TRPM3: variants seen among roughly 807,000 people sequenced by gnomAD.
TRPM3 encodes the protein transient receptor potential cation channel subfamily M member 3.
In TRPM3, 77 loss-of-function variants were observed where a neutral mutation model predicts 181.2. That is an observed-to-expected ratio of 0.42 (90% CI 0.35 to 0.51). TRPM3 has a LOEUF of 0.51. TRPM3 is among the 20% of genes least tolerant of loss of function. The pLI is 0.01. For synonymous variants in TRPM3, 745 were observed against 796.4 expected, an observed-to-expected ratio of 0.94 and a Z score of 1.09; for missense variants, 1,759 against 2,196.7, an observed-to-expected ratio of 0.80 and a Z score of 3.98.
intron 1 of TRPM3, among the ~76,000 whole-genome samples, chr9:70,872,243 A>C (rs1233657878): frequency 6.6e-6 from 1 of 151,960 alleles, no homozygotes; most frequent in Non-Finnish European, 1.5e-5. Flanking sequence ...TGTTCCAATA[A>C]AACAGGTAGT....
At chr9:70,610,782 A>G (rs1235563688) in intron 18 of TRPM3, 33 bp from the exon 19 acceptor site, 3 of 1,610,452 alleles carry the variant, frequency 1.9e-6, no homozygotes, top group Admixed American at 3.4e-5. Context: ...CCATCATGAC[A>G]GGGCTCTGGA....
intron 1 of TRPM3, among the ~76,000 whole-genome samples, chr9:71,195,328 G>A (rs971050196): frequency 2.6e-5 from 4 of 151,810 alleles, no homozygotes; most frequent in Non-Finnish European, 5.9e-5. Context: ...TAAAAAAGCA[G>A]GCAGAGAACA....
intron 1 of TRPM3, among the ~76,000 whole-genome samples, chr9:71,302,181 A>T (rs887999702): frequency 5.9e-5 from 6 of 101,118 alleles, no homozygotes; most frequent in African/African-American, 1.8e-4. Context: ...TACACATTTG[A>T]AAAAAAATCA....
chr9:70,999,514 G>A (rs1041443886), intron 1 of TRPM3, among the ~76,000 whole-genome samples: 1 of 152,288 alleles, frequency 6.6e-6, no homozygotes, highest in South Asian at 2.1e-4. Context: ...AGGGTAAAGA[G>A]TTCAGTAGAT....
At chr9:70,782,229 G>A (rs1165483006) in intron 7 of TRPM3, among the ~76,000 whole-genome samples, 1 of 150,104 alleles carries the variant, frequency 6.7e-6, no homozygotes, top group Non-Finnish European at 1.5e-5. Flanking sequence ...TTTTAAGACA[G>A]AGTTTCGCTC....
At chr9:71,439,295 A>T (rs1487912457) in intron 1 of TRPM3, among the ~76,000 whole-genome samples, 1 of 152,232 alleles carries the variant, frequency 6.6e-6, no homozygotes, top group Admixed American at 6.5e-5. Context: ...GTCAAACAAA[A>T]GCAACTTCTG....
Position 70,761,662 on chromosome 9 carries a change from G to C in TRPM3, c.1211C>G (p.Thr404Ser), listed in dbSNP as rs777491631. 16 of 1,613,808 alleles carry C rather than the reference G, an allele frequency of 9.9e-6. No homozygotes were observed. The Admixed American group carries it at 2.7e-4, about 27-fold the overall frequency. ...LVTIQKTFTY[T>S]RTQAQHLFII... is the part of the protein sequence containing the mutation. ...GAACAGATGCTGAGCTTGGGTTCGA[G>C]TGTATGTGAAAGTCTTCTGTATAGT... Residue 404 changes from threonine (T) to serine (S), a missense_variant, in exon 8 of 26, where the codon ACT becomes AGT. This residue lies in a region of TRPM3 where 737 missense variants were observed against 957.4 expected (regional missense o/e 0.77). Transcript: ENST00000677713.
intron 1 of TRPM3, among the ~76,000 whole-genome samples, chr9:71,170,280 G>T (rs1473243733): frequency 6.6e-6 from 1 of 152,108 alleles, no homozygotes; most frequent in Admixed American, 6.6e-5. Flanking sequence ...GACAGGGAAT[G>T]AGGTGAATAA....
chr9:70,747,597 A>G (rs2075406629), intron 8 of TRPM3, among the ~76,000 whole-genome samples: 1 of 152,126 alleles, frequency 6.6e-6, no homozygotes, highest in South Asian at 2.1e-4. Context: ...TGTGGGTCAA[A>G]TTTGTTTTAT....
chr9:70,966,556 C>G (rs2097187390), intron 1 of TRPM3, among the ~76,000 whole-genome samples: 1 of 152,052 alleles, frequency 6.6e-6, no homozygotes, highest in African/African-American at 2.4e-5. Context: ...GAATACTATG[C>G]AGCCATAAAA....
intron 1 of TRPM3, among the ~76,000 whole-genome samples, chr9:71,370,812 G>T (rs551867088): frequency 1.2e-3 from 190 of 152,330 alleles, no homozygotes; most frequent in African/African-American, 4.3e-3. Context: ...GACTTTCACA[G>T]CTAGAGCAGA....
chr9:70,908,727 T>C (rs116581078), intron 1 of TRPM3, among the ~76,000 whole-genome samples: 1,649 of 152,228 alleles, frequency 0.011, 31 homozygotes, highest in African/African-American at 0.038. Context: ...ATATGAACAG[T>C]TATTAGAAAG....
chr9:71,312,589 A>C (rs1296916311), intron 1 of TRPM3, among the ~76,000 whole-genome samples: 2 of 152,158 alleles, frequency 1.3e-5, no homozygotes, highest in Non-Finnish European at 2.9e-5. Flanking sequence ...TCCACAAGAA[A>C]CACCCTGCAC....
chr9:70,675,144 G>T (rs190012462), intron 9 of TRPM3, among the ~76,000 whole-genome samples: 1 of 151,858 alleles, frequency 6.6e-6, no homozygotes, highest in African/African-American at 2.4e-5. Flanking sequence ...CTTGTCACCC[G>T]ATCTGGAGTG....
At chr9:71,314,746 T>C (rs1268234108) in intron 1 of TRPM3, among the ~76,000 whole-genome samples, 3 of 152,046 alleles carry the variant, frequency 2.0e-5, no homozygotes, top group Non-Finnish European at 4.4e-5. Context: ...GCTTTTCTAA[T>C]TTGAGGGCCC....
intron 3 of TRPM3, among the ~76,000 whole-genome samples, chr9:70,853,227 A>G (rs1037141436): frequency 6.6e-5 from 10 of 152,240 alleles, no homozygotes; most frequent in Admixed American, 4.6e-4. Context: ...TGACTGGAAT[A>G]TCAGAGCTAG....
chr9:70,772,261 C>G (rs1211713815), intron 7 of TRPM3, among the ~76,000 whole-genome samples: 2 of 152,110 alleles, frequency 1.3e-5, no homozygotes, highest in Non-Finnish European at 2.9e-5. Flanking sequence ...ACAGGTCAAG[C>G]ACTCAGGGAG....
At chr9:71,146,027 T>A (rs1394287382) in intron 1 of TRPM3, among the ~76,000 whole-genome samples, 1 of 152,188 alleles carries the variant, frequency 6.6e-6, no homozygotes, top group African/African-American at 2.4e-5. Flanking sequence ...TAGGTACATA[T>A]TTGTTCTTTT....
intron 1 of TRPM3, among the ~76,000 whole-genome samples, chr9:71,188,584 T>C (rs1429167896): frequency 6.6e-6 from 1 of 151,866 alleles, no homozygotes; most frequent in Non-Finnish European, 1.5e-5. Context: ...TTGAAGAACC[T>C]TGGGAGACAG....
Sources: gnomAD v4.1 joint callset for allele counts (sites outside exome capture counted in the v4.1 genomes callset) on GRCh38, gnomAD v4.1.1 for gene constraint, gnomAD v4.1.1 regional missense constraint, MANE v1.5 for transcripts, NCBI Gene and HGNC (gene_info 2026-07-23, HGNC 2026-07-21) for gene names.